The following ZNF613 variants were observed in gnomAD, a reference collection of about 807,000 sequenced individuals.
The protein encoded by ZNF613 is zinc finger protein 613.
ZNF613 carries 8 observed loss-of-function variants against 14.3 expected under a neutral mutation model. The observed-to-expected ratio is 0.56, with a 90% CI of 0.33 to 1.01. The LOEUF is 1.01. ZNF613 is among the 50% of genes least tolerant of loss of function. ZNF613 has a pLI of 0.03. For synonymous variants in ZNF613, 228 were observed against 254.5 expected, an observed-to-expected ratio of 0.90 and a Z score of 0.99; for missense variants, 656 against 741.9, an observed-to-expected ratio of 0.88 and a Z score of 1.35.
rs1053055055 is a variant in ZNF613, at chr19:51,946,036, A to G, written c.*299A>G. The stretch of plus-strand genomic sequence containing the variant: ...GTTCAGAAACAGTACGCCAGTAGGT[A>G]TCAGGGGGTTTACACAGGAGAGAAA... On this transcript the variant is annotated 3_prime_UTR_variant, in exon 6 of 6. Coordinates refer to ENST00000293471, the MANE Select transcript of ZNF613 (RefSeq NM_001031721.4). 6 of 365,914 alleles carry G rather than the reference A, an allele frequency of 1.6e-5. No individual in the cohort carries two copies. The highest frequency in any genetic ancestry group is 1.3e-4 in the Admixed American group (3 of 23,242). 22.7% of individuals were successfully genotyped at this position (365,914 alleles called of 1,614,324 possible).
chr19:51,936,189 A>G lies in ZNF613; in HGVS notation c.-32A>G. The stretch of plus-strand genomic sequence containing the variant: ...GGAGAGACTACAGACACAGCATCCT[A>G]CTTACTGGCTATTTCCCAGTAACAA... On this transcript the variant is annotated 5_prime_UTR_variant, in exon 3 of 6. Coordinates refer to ENST00000293471, the MANE Select transcript of ZNF613 (RefSeq NM_001031721.4). The G allele has an allele frequency of 6.2e-7, 1 of 1,601,420 alleles. No individual in the cohort carries two copies. Among genetic ancestry groups the G allele is most frequent in the African/African-American group, 1.3e-5 (1 of 74,462 alleles).
At chr19:51,927,953 T>C (rs1429677145) in intron 1 of ZNF613, 1 of 152,110 alleles carries the variant, frequency 6.6e-6, no homozygotes, top group African/African-American at 2.4e-5. Context: ...GGGGCTCAGG[T>C]GATTTTCCCA....
intron 3 of ZNF613, among the ~76,000 whole-genome samples, chr19:51,939,534 T>G (rs2085331147): frequency 6.6e-6 from 1 of 151,842 alleles, no homozygotes; most frequent in African/African-American, 2.4e-5. Flanking sequence ...TTCACCATGT[T>G]GGGCAAGCTG....
In ZNF613 at chr19:51,945,745, A is replaced by G. The variant is rs753963364; in HGVS notation, c.*8A>G. The stretch of plus-strand genomic sequence containing the variant: ...AGAATTTGCACAGAATAAAAACCAT[A>G]TGAATGCAGTGAATGTGGTAGTGCT... On this transcript the variant is annotated 3_prime_UTR_variant, in exon 6 of 6. Coordinates refer to ENST00000293471, the MANE Select transcript of ZNF613 (RefSeq NM_001031721.4). 5 of 1,613,762 alleles carry G rather than the reference A, an allele frequency of 3.1e-6. No homozygotes were observed. Among genetic ancestry groups the G allele is most frequent in the Non-Finnish European group, 4.2e-6 (5 of 1,179,918 alleles).
chr19:51,944,183 G>A lies in ZNF613; in HGVS notation c.300G>A (p.Val100=). ...HSQKQRCLKR[V]EQCHKHNAFG... ...AAAAGCAAAGATGTCTGAAGAGAGT[G>A]GAACAATGCCATAAACATAATGCAT... is the stretch of plus-strand genomic sequence containing the variant. The change falls in exon 6 of 6, where the codon GTG becomes GTA. Residue 100 remains valine, a synonymous_variant. Coordinates refer to ENST00000293471, the MANE Select transcript of ZNF613 (RefSeq NM_001031721.4). The A allele has an allele frequency of 6.3e-7, 1 of 1,588,160 alleles. No homozygotes were observed. Among genetic ancestry groups the A allele is most frequent in the Non-Finnish European group, 8.6e-7 (1 of 1,166,632 alleles).
chr19:51,936,341 A>T, intron 3 of ZNF613, 106 bp downstream of exon 3: 1 of 1,169,270 alleles, frequency 8.6e-7, no homozygotes, highest in Non-Finnish European at 1.2e-6. Flanking sequence ...GTAAACTAGG[A>T]TTTGTGCATC....
chr19:51,932,370 C>T (rs2085273096), intron 2 of ZNF613, among the ~76,000 whole-genome samples: 1 of 131,940 alleles, frequency 7.6e-6, no homozygotes, highest in Admixed American at 8.8e-5. Flanking sequence ...AGTGCAATGG[C>T]TTGATCTCAG....
intron 3 of ZNF613, among the ~76,000 whole-genome samples, chr19:51,939,361 C>T (rs987715605): frequency 1.3e-5 from 2 of 152,068 alleles, no homozygotes; most frequent in Non-Finnish European, 2.9e-5. Flanking sequence ...TGAAGTCTCG[C>T]TCTGTCACTC....
chr19:51,940,471 A>C, intron 4 of ZNF613, 136 bp downstream of exon 4: 1 of 1,518,720 alleles, frequency 6.6e-7, no homozygotes, highest in South Asian at 1.2e-5. Flanking sequence ...CAGATAAAAG[A>C]GTGTAATGTG....
At position 51,942,044 on chromosome 19, in the gene ZNF613, A is replaced by G. The variant is rs1035500905; in HGVS notation, c.235+1335A>G. On this transcript the variant is annotated intron_variant, in intron 5 of 5. Transcript: ENST00000293471. ...GCACTGAGTCCCAGTGAATCATAGC[A>G]GTCATATAAGATGGAAATTTCTCAT... Among the ~76,000 whole-genome samples, 46 of 152,220 alleles carry G rather than the reference A, an allele frequency of 3.0e-4. 1 individual carries two copies. Among genetic ancestry groups the G allele is most frequent in the Non-Finnish European group, 7.3e-5 (5 of 68,036 alleles).
At position 51,944,200 on chromosome 19, in the gene ZNF613, A is replaced by G; in HGVS notation, c.317A>G (p.His106Arg). The G allele has an allele frequency of 1.2e-6, 2 of 1,607,742 alleles. No homozygotes were observed. The highest frequency in any genetic ancestry group is 1.7e-6 in the Non-Finnish European group (2 of 1,176,080). ...AAGAGAGTGGAACAATGCCATAAAC[A>G]TAATGCATTTGGAAACATCATTCAT... ...CLKRVEQCHK[H>R]NAFGNIIHQR... The change falls in exon 6 of 6, where the codon CAT becomes CGT. Residue 106 changes from histidine to arginine, a missense_variant. Coordinates refer to ENST00000293471, the MANE Select transcript of ZNF613 (RefSeq NM_001031721.4).
intron 3 of ZNF613, among the ~76,000 whole-genome samples, chr19:51,937,891 C>T (rs188623149): frequency 4.0e-5 from 6 of 151,890 alleles, no homozygotes; most frequent in East Asian, 1.9e-4. Flanking sequence ...TACGACTGCC[C>T]GGCTAATTTT....
At chr19:51,940,370 C>T (rs568683871) in intron 4 of ZNF613, 35 bp downstream of exon 4, 28 of 1,612,676 alleles carry the variant, frequency 1.7e-5, no homozygotes, top group Non-Finnish European at 2.4e-5. Flanking sequence ...TCAGAGAGTA[C>T]CCAGTCAAAG....
rs760920285 is a variant in ZNF613, at chr19:51,945,828, T to G, written c.*91T>G. The stretch of plus-strand genomic sequence containing the variant: ...AACACAGAGGAACAAACTGATATAT[T>G]CAAGGTGGAAAGCCCTTGAATAAAA... On this transcript the variant is annotated 3_prime_UTR_variant, in exon 6 of 6. Coordinates refer to ENST00000293471, the MANE Select transcript of ZNF613 (RefSeq NM_001031721.4). 6.9e-7 allele frequency: 1 copy of G among 1,440,130 alleles called. No individual in the cohort carries two copies. The highest frequency in any genetic ancestry group is 1.2e-5 in the South Asian group (1 of 81,520). 89.2% of individuals were successfully genotyped at this position (1,440,130 alleles called of 1,614,324 possible). A position where few individuals can be genotyped will look rare whatever the true frequency, so the allele number is the denominator to read the frequency against.
At chr19:51,937,968 T>C (rs1188731067) in intron 3 of ZNF613, among the ~76,000 whole-genome samples, 3 of 152,012 alleles carry the variant, frequency 2.0e-5, no homozygotes, top group African/African-American at 7.2e-5. Flanking sequence ...TGACCTCAAA[T>C]GATCCTCCCA....
Position 51,945,006 on chromosome 19 carries a change from C to T in ZNF613, c.1123C>T (p.Arg375Cys), listed in dbSNP as rs147083840. 1.9e-5 allele frequency: 31 copies of T among 1,612,302 alleles called. No individual in the cohort carries two copies. The highest frequency in any genetic ancestry group is 1.2e-4 in the Admixed American group (7 of 59,820). Reference protein sequence around the residue: ...AHTGEKSYICRDCGKGFIQKG... With the variant: ...AHTGEKSYICCDCGKGFIQKG... Reference sequence around the variant, plus strand: ...CACAGGAGAGAAGTCATATATATGCCGTGATTGTGGAAAAGGCTTCATTCA... The same window carrying T: ...CACAGGAGAGAAGTCATATATATGCTGTGATTGTGGAAAAGGCTTCATTCA... The change falls in exon 6 of 6, where the codon CGT becomes TGT. Residue 375 changes from arginine (R) to cysteine (C), a missense_variant. Arg to Cys is a radical substitution (Grantham distance 180). Transcript: ENST00000293471.
At chr19:51,932,677 A>G (rs149286778) in intron 2 of ZNF613, among the ~76,000 whole-genome samples, 1 of 146,180 alleles carries the variant, frequency 6.8e-6, no homozygotes, top group Non-Finnish European at 1.5e-5. Context: ...AGTGTCTGAC[A>G]TTTTCTTTTT....
chr19:51,946,094 G>T lies in ZNF613; in HGVS notation c.*357G>T, dbSNP rs530106265. On this transcript the variant is annotated 3_prime_UTR_variant, in exon 6 of 6. Transcript: ENST00000293471. ...AAGACCTTTGAAGGCTATGAATGTG[G>T]CAGGGTTGCTAGTGGTACATTCTGC... is the stretch of plus-strand genomic sequence containing the variant. 16 of 217,944 alleles carry T rather than the reference G, an allele frequency of 7.3e-5. No homozygotes were observed. In the East Asian group the frequency reaches 1.9e-3, roughly 26 times the overall value. 13.5% of individuals were successfully genotyped at this position (217,944 alleles called of 1,614,324 possible). A position where few individuals can be genotyped will look rare whatever the true frequency, so the allele number is the denominator to read the frequency against.
chr19:51,944,151 C>T lies in ZNF613; in HGVS notation c.268C>T (p.His90Tyr), dbSNP rs758547513. Residue 90 changes from histidine to tyrosine, a missense_variant, in exon 6 of 6, where the codon CAC (histidine) becomes TAC (tyrosine). His to Tyr is a moderately conservative substitution (Grantham distance 83). Coordinates refer to ENST00000293471, the MANE Select transcript of ZNF613 (RefSeq NM_001031721.4). ...IKKVDNHLQMHSQKQRCLKRV... is the reference protein window; with the variant it reads ...IKKVDNHLQMYSQKQRCLKRV... The stretch of plus-strand genomic sequence containing the variant: ...GAAAGTTGACAATCATCTACAGATG[C>T]ACTCACAAAAGCAAAGATGTCTGAA... The T allele has an allele frequency of 1.9e-6, 3 of 1,545,030 alleles. No individual in the cohort carries two copies. Among genetic ancestry groups the T allele is most frequent in the Admixed American group, 2.1e-5 (1 of 47,156 alleles).
Sources: allele counts gnomAD v4.1 joint callset (sites outside exome capture counted in the v4.1 genomes callset), GRCh38; gene constraint gnomAD v4.1.1; transcripts MANE v1.5; gene names NCBI Gene and HGNC (gene_info 2026-07-23, HGNC 2026-07-21).